Variants in SPSB4 observed in about 807,000 individuals in gnomAD.
SPSB4 encodes the protein SPRY domain-containing SOCS box protein 4.
In SPSB4, 21 loss-of-function variants were observed where a neutral mutation model predicts 20.9. That is an observed-to-expected ratio of 1.01 (90% CI 0.71 to 1.45). SPSB4 has a LOEUF of 1.45. Ranked by LOEUF, SPSB4 falls within the 40% of genes most tolerant of loss-of-function variation. SPSB4 has a pLI of 0.00. For missense variants in SPSB4, 399 were observed against 399.2 expected (o/e 1.00, Z 0.00); for synonymous variants, 207 against 183.8 (o/e 1.13, Z -1.02).
intron 2 of SPSB4, among the ~76,000 whole-genome samples, chr3:141,095,673 G>T (rs537324638): frequency 6.6e-6 from 1 of 152,104 alleles, no homozygotes; most frequent in Non-Finnish European, 1.5e-5. Context: ...CTGTCCCCTC[G>T]GAACATTCTG....
rs1480429021 is a variant in SPSB4, at chr3:141,056,749, AGG to A, written c.-154+4759_-154+4760del. On this transcript the variant is annotated intron_variant, in intron 1 of 2. Coordinates refer to ENST00000310546, the MANE Select transcript of SPSB4 (RefSeq NM_080862.3). ...ACCCAGCCCAGACATGCTGGGCCTC[AGG>A]GAATCCAGCTGCCCTGCAAACAACC... Among the ~76,000 whole-genome samples the A allele has an allele frequency of 9.3e-4, 141 of 152,314 alleles. 2 individuals are homozygous for A. Among genetic ancestry groups the A allele is most frequent in the African/African-American group, 3.2e-3 (135 of 41,570 alleles).
chr3:141,086,294 C>G (rs903689302), intron 2 of SPSB4, among the ~76,000 whole-genome samples: 1 of 152,330 alleles, frequency 6.6e-6, no homozygotes, highest in East Asian at 1.9e-4. Context: ...GAGGGCAAAG[C>G]AGGTGGGAGA....
chr3:141,069,237 A>G (rs981257011), intron 2 of SPSB4, among the ~76,000 whole-genome samples: 2 of 152,184 alleles, frequency 1.3e-5, no homozygotes, highest in Non-Finnish European at 2.9e-5. Context: ...AGGCCTATTC[A>G]TGGCCAGCCT....
Position 141,066,645 on chromosome 3 carries a change from C to T in SPSB4, c.541C>T (p.Leu181=), listed in dbSNP as rs2107779364. 1 of 1,612,360 alleles carries T rather than the reference C, an allele frequency of 6.2e-7. No homozygotes were observed. Among genetic ancestry groups the T allele is most frequent in the Non-Finnish European group, 8.5e-7 (1 of 1,179,344 alleles). Residue 181 remains leucine, a synonymous_variant, in exon 2 of 3, where the codon CTG becomes TTG. Transcript: ENST00000310546. ...GCTGCCCGACTCGCTGCTCGTGGTG[C>T]TGGACATGGATGAGGGCACACTCAG... ...FALPDSLLVV[L]DMDEGTLSFI...
intron 2 of SPSB4, chr3:141,077,071 G>A (rs1042831296): frequency 8.5e-5 from 13 of 152,172 alleles, no homozygotes; most frequent in Non-Finnish European, 1.5e-4. Flanking sequence ...GCAAGGGGGC[G>A]GTTAGCGTGA....
At chr3:141,056,366 C>T (rs1248199204) in intron 1 of SPSB4, among the ~76,000 whole-genome samples, 1 of 152,188 alleles carries the variant, frequency 6.6e-6, no homozygotes, top group East Asian at 1.9e-4. Context: ...GTACAGATTC[C>T]TGGGGCTGGA....
At chr3:141,138,182 C>A (rs1053746743) in intron 2 of SPSB4, among the ~76,000 whole-genome samples, 1 of 152,082 alleles carries the variant, frequency 6.6e-6, no homozygotes, top group Non-Finnish European at 1.5e-5. Flanking sequence ...GTGGTGATAT[C>A]CCCTTTGTCA....
intron 2 of SPSB4, among the ~76,000 whole-genome samples, chr3:141,136,816 G>T (rs536050083): frequency 3.3e-5 from 5 of 152,100 alleles, no homozygotes; most frequent in Non-Finnish European, 7.4e-5. Context: ...TTGACTTGGC[G>T]ATGTGGGCTC....
At chr3:141,128,446 G>A (rs1939082004) in intron 2 of SPSB4, among the ~76,000 whole-genome samples, 1 of 152,192 alleles carries the variant, frequency 6.6e-6, no homozygotes, top group Non-Finnish European at 1.5e-5. Context: ...AAGTGGTGTA[G>A]TGGTGTGAAC....
chr3:141,097,948 C>CA (rs1305993096), intron 2 of SPSB4, among the ~76,000 whole-genome samples: 5 of 152,294 alleles, frequency 3.3e-5, no homozygotes, highest in Admixed American at 2.6e-4. Context: ...TTAATTCCCG[C>CA]AGTATTTACA....
At chr3:141,065,551 C>A (rs1559838660) in intron 1 of SPSB4, among the ~76,000 whole-genome samples, 1 of 152,192 alleles carries the variant, frequency 6.6e-6, no homozygotes, top group African/African-American at 2.4e-5. Context: ...TGGGCTCACG[C>A]CTTATTTCTA....
intron 2 of SPSB4, among the ~76,000 whole-genome samples, chr3:141,078,276 C>T (rs1214522448): frequency 1.3e-5 from 2 of 152,192 alleles, no homozygotes; most frequent in African/African-American, 2.4e-5. Context: ...TCTCACCTGC[C>T]GAATCAGAAA....
intron 2 of SPSB4, among the ~76,000 whole-genome samples, chr3:141,142,971 C>T (rs1939358460): frequency 6.6e-6 from 1 of 151,738 alleles, no homozygotes; most frequent in Admixed American, 6.6e-5. Context: ...CACCCGCCAC[C>T]ACGCCCAGCT....
intron 2 of SPSB4, among the ~76,000 whole-genome samples, chr3:141,090,689 T>C (rs4683553): frequency 0.33 from 49,474 of 151,968 alleles, 8,258 homozygotes; most frequent in Middle Eastern, 0.39. Context: ...TCAAGGATGA[T>C]GTTTGGCTTT....
intron 2 of SPSB4, among the ~76,000 whole-genome samples, chr3:141,070,119 G>A (rs1236286072): frequency 2.6e-5 from 4 of 152,092 alleles, no homozygotes; most frequent in African/African-American, 9.7e-5. Context: ...AGGACGCACA[G>A]GGGCCCTGCC....
In SPSB4 at chr3:141,147,345, C is replaced by T. The variant is rs1221100476; in HGVS notation, c.*76C>T. On this transcript the variant is annotated 3_prime_UTR_variant, in exon 3 of 3. Coordinates refer to ENST00000310546, the MANE Select transcript of SPSB4 (RefSeq NM_080862.3). ...CCTCCTGTCATTCACAGTCCCATGG[C>T]ACATAGGGGAAAGGATCTACCCTTC... The T allele has an allele frequency of 2.1e-5, 33 of 1,590,696 alleles. No homozygotes were observed. The highest frequency in any genetic ancestry group is 2.7e-5 in the Non-Finnish European group (32 of 1,165,298).
chr3:141,137,330 T>A (rs553650410), intron 2 of SPSB4, among the ~76,000 whole-genome samples: 1 of 151,140 alleles, frequency 6.6e-6, no homozygotes, highest in Non-Finnish European at 1.5e-5. Flanking sequence ...AATGCCCACC[T>A]TCTCCTGCCT....
intron 2 of SPSB4, among the ~76,000 whole-genome samples, chr3:141,127,345 G>C (rs901538806): frequency 2.6e-4 from 39 of 152,214 alleles, no homozygotes; most frequent in Non-Finnish European, 5.7e-4. Flanking sequence ...GCTAAAATGA[G>C]CCTCACCTGT....
chr3:141,131,221 G>A (rs1939124472), intron 2 of SPSB4, among the ~76,000 whole-genome samples: 1 of 151,968 alleles, frequency 6.6e-6, no homozygotes, highest in South Asian at 2.1e-4. Flanking sequence ...CTATTAAATG[G>A]GTGTTGGGAG....
Sources: allele counts gnomAD v4.1 joint callset (sites outside exome capture counted in the v4.1 genomes callset), GRCh38; gene constraint gnomAD v4.1.1; transcripts MANE v1.5; gene names NCBI Gene and HGNC (gene_info 2026-07-23, HGNC 2026-07-21).